The following CSMD1 variants were observed in gnomAD, a reference collection of about 807,000 sequenced individuals.
CSMD1 encodes the protein CUB and Sushi multiple domains 1.
A neutral mutation model predicts 417.5 loss-of-function variants in CSMD1; 213 were observed. The ratio of observed to expected loss-of-function variants is 0.51; its 90% CI spans 0.46 to 0.57. The LOEUF (loss-of-function observed/expected upper bound fraction) is 0.57, where lower values mean the gene tolerates loss of function less well. Among genes scored for constraint, CSMD1 ranks in the 20% least tolerant of loss-of-function variants. The probability of loss-of-function intolerance (pLI) is 0.00; values close to 1 mark genes in which losing one functional copy is unlikely to be tolerated. For missense variants in CSMD1, 6,923 were observed against 4,529.7 expected (o/e 1.53, Z -15.17); for synonymous variants, 2,862 against 1,736.8 (o/e 1.65, Z -16.11).
intron 21 of CSMD1, among the ~76,000 whole-genome samples, chr8:3,357,008 A>T (rs557589289): frequency 6.6e-6 from 1 of 152,144 alleles, no homozygotes; most frequent in Non-Finnish European, 1.5e-5. Context: ...GAGCCAGGGA[A>T]AGCATCAGGG....
intron 3 of CSMD1, among the ~76,000 whole-genome samples, chr8:4,141,065 A>T (rs1803760798): frequency 6.6e-6 from 1 of 151,228 alleles, no homozygotes; most frequent in Admixed American, 6.6e-5. Context: ...AAATTATAAA[A>T]TATCCCCCAA....
At chr8:4,628,834 C>A (rs1563348693) in intron 2 of CSMD1, among the ~76,000 whole-genome samples, 2 of 152,120 alleles carry the variant, frequency 1.3e-5, no homozygotes, top group Non-Finnish European at 2.9e-5. Context: ...AATCTCTGAG[C>A]TCCCACCATC....
At chr8:3,359,070 C>A (rs897867711) in intron 21 of CSMD1, 82 bp downstream of exon 21, 2 of 1,391,152 alleles carry the variant, frequency 1.4e-6, no homozygotes, top group Non-Finnish European at 2.0e-6. Context: ...AACCCCCACC[C>A]GACCCCGACC....
chr8:3,912,924 A>AG (rs1808558110), intron 5 of CSMD1, among the ~76,000 whole-genome samples: 1 of 152,214 alleles, frequency 6.6e-6, no homozygotes, highest in African/African-American at 2.4e-5. Flanking sequence ...GTGGTCATTC[A>AG]GGTAAGAGAA....
intron 3 of CSMD1, among the ~76,000 whole-genome samples, chr8:4,403,348 C>T (rs1280022535): frequency 2.6e-5 from 4 of 152,102 alleles, no homozygotes; most frequent in Non-Finnish European, 5.9e-5. Context: ...AACAAAACTC[C>T]TTATAAGGAA....
chr8:4,949,454 T>C (rs948933252), intron 1 of CSMD1, among the ~76,000 whole-genome samples: 20 of 152,142 alleles, frequency 1.3e-4, no homozygotes, highest in African/African-American at 3.6e-4. Flanking sequence ...TATAGAAAAA[T>C]ATTCAACCAC....
chr8:3,327,719 G>A (rs577292797), intron 23 of CSMD1, among the ~76,000 whole-genome samples: 7 of 152,286 alleles, frequency 4.6e-5, no homozygotes, highest in African/African-American at 1.7e-4. Flanking sequence ...AGGAAGTAAA[G>A]TAACTTTGTT....
At chr8:3,744,534 G>C (rs892236952) in intron 6 of CSMD1, among the ~76,000 whole-genome samples, 1 of 152,100 alleles carries the variant, frequency 6.6e-6, no homozygotes, top group Non-Finnish European at 1.5e-5. Context: ...CCAAAGATTC[G>C]TTTCTTTATT....
At chr8:3,036,501 G>A (rs1291641994) in intron 50 of CSMD1, among the ~76,000 whole-genome samples, 2 of 152,150 alleles carry the variant, frequency 1.3e-5, no homozygotes, top group Non-Finnish European at 2.9e-5. Flanking sequence ...ATGATTAGAT[G>A]TCATTGGAGT....
chr8:3,020,612 G>A (rs896775987), intron 51 of CSMD1, among the ~76,000 whole-genome samples: 12 of 152,030 alleles, frequency 7.9e-5, no homozygotes, highest in African/African-American at 2.7e-4. Context: ...GGGCTCAGGC[G>A]AATCCTCCCA....
At chr8:4,805,746 C>G (rs1045898470) in intron 1 of CSMD1, among the ~76,000 whole-genome samples, 1 of 152,188 alleles carries the variant, frequency 6.6e-6, no homozygotes, top group Non-Finnish European at 1.5e-5. Flanking sequence ...ATTCCAGACC[C>G]TGTCATATTC....
At chr8:4,825,477 T>C (rs1048825531) in intron 1 of CSMD1, among the ~76,000 whole-genome samples, 3 of 152,092 alleles carry the variant, frequency 2.0e-5, no homozygotes, top group African/African-American at 7.2e-5. Context: ...TGAAACTTTA[T>C]ACCTCTTGAA....
intron 36 of CSMD1, among the ~76,000 whole-genome samples, chr8:3,184,558 C>T (rs141100952): frequency 3.9e-4 from 59 of 151,984 alleles, no homozygotes; most frequent in Middle Eastern, 3.5e-3. Context: ...GGATATTTGC[C>T]TTCTTCTTAC....
chr8:3,996,356 A>G (rs2554675), intron 5 of CSMD1, among the ~76,000 whole-genome samples: 94,284 of 152,056 alleles, frequency 0.62, 29,694 homozygotes, highest in African/African-American at 0.74. Flanking sequence ...TAATTTTAAA[A>G]CTAGGAAGAG....
At chr8:3,136,914 T>C (rs867306180) in intron 41 of CSMD1, among the ~76,000 whole-genome samples, 16 of 149,020 alleles carry the variant, frequency 1.1e-4, no homozygotes, top group African/African-American at 3.4e-4. Flanking sequence ...AATTTTTTTC[T>C]ATGTAATACT....
rs1176402944 is a variant in CSMD1, at chr8:3,584,918, T to A, written c.1222+1218A>T. ...AGCTCTTTGAAGTGCTTAAGGGTCTTATGTTAGAATTGAAAAATGCACAAT... is the reference window on the plus strand; with the variant it reads ...AGCTCTTTGAAGTGCTTAAGGGTCTAATGTTAGAATTGAAAAATGCACAAT... On this transcript the variant is annotated intron_variant, in intron 9 of 69. Transcript: ENST00000635120. 2.0e-5 allele frequency among the ~76,000 whole-genome samples: 3 copies of A among 152,288 alleles called. No individual in the cohort carries two copies. The South Asian group carries it at 6.2e-4, about 32-fold the overall frequency.
rs191482597 is a variant in CSMD1 at position 4,515,292 on chromosome 8, C to G, written c.303-95227G>C. ...GACCACAGTCTCTGATCTGATGTGGCTCATGTACTCAGAGAAATAGCACAT... is the reference window on the plus strand; with the variant it reads ...GACCACAGTCTCTGATCTGATGTGGGTCATGTACTCAGAGAAATAGCACAT... On this transcript the variant is annotated intron_variant, in intron 2 of 69. Coordinates refer to ENST00000635120, the MANE Select transcript of CSMD1 (RefSeq NM_033225.6). Among the ~76,000 whole-genome samples the G allele has an allele frequency of 1.7e-3, 254 of 152,252 alleles. 9 individuals are homozygous for G. Among genetic ancestry groups the G allele is most frequent in the Non-Finnish European group, 2.0e-3 (136 of 68,018 alleles).
At position 4,414,933 on chromosome 8, in the gene CSMD1, C is replaced by T. The variant is rs900867735; in HGVS notation, c.415+5020G>A. Among the ~76,000 whole-genome samples, 4 of 152,118 alleles carry T rather than the reference C, an allele frequency of 2.6e-5. 1 individual carries two copies. The highest frequency in any genetic ancestry group is 4.4e-5 in the Non-Finnish European group (3 of 68,018). ...ATTCAGAATTCATTTAATCCATGTT[C>T]TGTCTTCTCCCTGCATTTATTTTGG... On this transcript the variant is annotated intron_variant, in intron 3 of 69. Transcript: ENST00000635120.
chr8:3,803,018 G>A lies in CSMD1; in HGVS notation c.819-48976C>T, dbSNP rs973370119. Among the ~76,000 whole-genome samples the A allele has an allele frequency of 1.3e-5, 2 of 152,210 alleles. 1 individual carries two copies. Among genetic ancestry groups the A allele is most frequent in the Middle Eastern group, 6.8e-3 (2 of 294 alleles). Reference sequence around the variant, plus strand: ...TTATTATTTCCTTTTGTAATGATAAGAACAATGAAATCCAGAAAAAAATGC... The same window carrying A: ...TTATTATTTCCTTTTGTAATGATAAAAACAATGAAATCCAGAAAAAAATGC... On this transcript the variant is annotated intron_variant, in intron 5 of 69. Transcript: ENST00000635120.
Sources: gnomAD v4.1 joint callset for allele counts (sites outside exome capture counted in the v4.1 genomes callset) on GRCh38, gnomAD v4.1.1 for gene constraint, MANE v1.5 for transcripts, NCBI Gene and HGNC (gene_info 2026-07-23, HGNC 2026-07-21) for gene names.